The following PHACTR2 variants were observed in gnomAD, a reference collection of about 807,000 sequenced individuals.
PHACTR2 encodes chromosome 6 open reading frame 56.
In PHACTR2, 30 loss-of-function variants were observed where a neutral mutation model predicts 76.0. That is an observed-to-expected ratio of 0.39 (90% confidence interval 0.30 to 0.54). The LOEUF (loss-of-function observed/expected upper bound fraction) is 0.54. Among genes scored for constraint, PHACTR2 ranks in the 20% least tolerant of loss-of-function variants. The pLI, the probability that PHACTR2 is intolerant of heterozygous loss-of-function variation, is 0.61. For missense variants in PHACTR2, 696 were observed against 781.1 expected (o/e 0.89, Z 1.30); for synonymous variants, 292 against 292.5 (o/e 1.00, Z 0.02).
chr6:143,665,866 T>C (rs1434531839), intron 1 of PHACTR2, among the ~76,000 whole-genome samples: 2 of 152,218 alleles, frequency 1.3e-5, no homozygotes, highest in Non-Finnish European at 2.9e-5. Context: ...AGCTAAAGTA[T>C]TTTTTATTAT....
At chr6:143,665,304 T>A (rs192256619) in intron 1 of PHACTR2, among the ~76,000 whole-genome samples, 139 of 152,346 alleles carry the variant, frequency 9.1e-4, no homozygotes, top group Non-Finnish European at 5.6e-4. Flanking sequence ...TTGCCTTTTC[T>A]GTCTCCTGCT....
intron 2 of PHACTR2, among the ~76,000 whole-genome samples, chr6:143,719,354 T>C (rs1002757268): frequency 1.5e-5 from 2 of 134,046 alleles, no homozygotes; most frequent in African/African-American, 5.5e-5. Flanking sequence ...CACTTCTTTT[T>C]TTTTTTTTTT....
chr6:143,615,311 T>C (rs1406653208), intron 1 of PHACTR2, among the ~76,000 whole-genome samples: 2 of 152,222 alleles, frequency 1.3e-5, no homozygotes, highest in African/African-American at 4.8e-5. Context: ...TCTTTGTGTT[T>C]TCCATAGCAT....
chr6:143,664,321 AAG>A lies in PHACTR2; in HGVS notation c.14-47691_14-47690del, dbSNP rs1776996764. ...GTCTTCTAAAAATGACAGATAAAGA[AAG>A]AGATGTACTATGTTTCTGCTGCTCA... On this transcript the variant is annotated intron_variant, in intron 1 of 11. Transcript: ENST00000305766. The surrounding 1 kb of genome is among the most constrained non-coding windows in gnomAD (Gnocchi z 5.1). Among the ~76,000 whole-genome samples, 1 of 152,138 alleles carries A rather than the reference AAG, an allele frequency of 6.6e-6. No homozygotes were observed. The highest frequency in any genetic ancestry group is 2.1e-4 in the South Asian group (1 of 4,828).
chr6:143,620,433 T>G (rs1252606654), intron 1 of PHACTR2, among the ~76,000 whole-genome samples: 4 of 142,196 alleles, frequency 2.8e-5, no homozygotes, highest in East Asian at 4.2e-4. Context: ...GAAATGAAGT[T>G]TTTTTTTTTT....
rs1036461718 is a variant in PHACTR2 at position 143,554,000 on chromosome 6, G to A, written c.217+16793G>A. ...GAAAAGAATCCCGGGTTGGGCCCCT[G>A]TAGACCACCGCAATGACGTTGACAT... On this transcript the variant is annotated intron_variant, in intron 1 of 11. Coordinates refer to the PHACTR2 transcript ENST00000367584. This position sits in a 1 kb window ranked among gnomAD's most constrained non-coding sequence, Gnocchi z 4.2. Among the ~76,000 whole-genome samples, 1 of 152,174 alleles carries A rather than the reference G, an allele frequency of 6.6e-6. No individual in the cohort carries two copies. The highest frequency in any genetic ancestry group is 1.5e-5 in the Non-Finnish European group (1 of 68,024).
chr6:143,791,488 G>A lies in PHACTR2; in HGVS notation c.1845+2578G>A, dbSNP rs1775689407. Among the ~76,000 whole-genome samples, 1 of 152,148 alleles carries A rather than the reference G, an allele frequency of 6.6e-6. No individual in the cohort carries two copies. The highest frequency in any genetic ancestry group is 2.1e-4 in the South Asian group (1 of 4,826). ...TGCTGATCTCATTGGTCTGGGATGT[G>A]GCCTTCATATTGGGATTTTTAGTAA... is the stretch of plus-strand genomic sequence containing the variant. On this transcript the variant is annotated intron_variant, in intron 11 of 12. Transcript: ENST00000440869. This position sits in a 1 kb window ranked among gnomAD's most constrained non-coding sequence, Gnocchi z 4.7.
In PHACTR2 at chr6:143,618,498, G is replaced by A. The variant is rs1384719380; in HGVS notation, c.13+10176G>A. On this transcript the variant is annotated intron_variant, in intron 1 of 11. Transcript: ENST00000305766. This position sits in a 1 kb window ranked among gnomAD's most constrained non-coding sequence, Gnocchi z 5.2. ...TGACTTAACTACCTCACATGGTCAT[G>A]AGCGTCACTTGAGAAGGTGTCAGTG... is the stretch of plus-strand genomic sequence containing the variant. Among the ~76,000 whole-genome samples the A allele has an allele frequency of 2.6e-5, 4 of 152,144 alleles. No individual in the cohort carries two copies. In the East Asian group the frequency reaches 7.7e-4, roughly 29 times the overall value.
rs188595079 is a variant in PHACTR2 at position 143,683,678 on chromosome 6, T to A, written c.46+5469T>A. Among the ~76,000 whole-genome samples the A allele has an allele frequency of 1.3e-5, 2 of 152,346 alleles. No homozygotes were observed. Among genetic ancestry groups the A allele is most frequent in the African/African-American group, 4.8e-5 (2 of 41,578 alleles). ...TTGTCTTGTCCAGAATATTTATCCATTTCCTTGTAAACCAGGCACAGGAAG... is the reference window on the plus strand; with the variant it reads ...TTGTCTTGTCCAGAATATTTATCCAATTCCTTGTAAACCAGGCACAGGAAG... On this transcript the variant is annotated intron_variant, in intron 1 of 12. Transcript: ENST00000440869. The surrounding 1 kb of genome is among the most constrained non-coding windows in gnomAD (Gnocchi z 4.1).
At position 143,658,084 on chromosome 6, in the gene PHACTR2, C is replaced by T. The variant is rs1282630601; in HGVS notation, c.13+49762C>T. Among the ~76,000 whole-genome samples the T allele has an allele frequency of 2.0e-5, 3 of 152,150 alleles. No homozygotes were observed. Among genetic ancestry groups the T allele is most frequent in the Admixed American group, 1.3e-4 (2 of 15,278 alleles). On this transcript the variant is annotated intron_variant, in intron 1 of 11. Coordinates refer to the PHACTR2 transcript ENST00000305766. This position sits in a 1 kb window ranked among gnomAD's most constrained non-coding sequence, Gnocchi z 4.1. Reference sequence around the variant, plus strand: ...CTGTCCAGTTTGGGGCTATTATGAACAAAGCTGCTATGAACATTCCTAAAC... The same window carrying T: ...CTGTCCAGTTTGGGGCTATTATGAATAAAGCTGCTATGAACATTCCTAAAC...
rs1270915006 is a variant in PHACTR2 at position 143,791,449 on chromosome 6, C to G, written c.1845+2539C>G. Among the ~76,000 whole-genome samples the G allele has an allele frequency of 3.3e-5, 5 of 152,178 alleles. No homozygotes were observed. The highest frequency in any genetic ancestry group is 1.2e-4 in the African/African-American group (5 of 41,450). Reference sequence around the variant, plus strand: ...TCTTTAAGAATGTGGATGTCTGGGTCCCATCTCCAGAGATGCTGATCTCAT... The same window carrying G: ...TCTTTAAGAATGTGGATGTCTGGGTGCCATCTCCAGAGATGCTGATCTCAT... On this transcript the variant is annotated intron_variant, in intron 11 of 12. Coordinates refer to ENST00000440869, the MANE Select transcript of PHACTR2 (RefSeq NM_001100164.2). This position sits in a 1 kb window ranked among gnomAD's most constrained non-coding sequence, Gnocchi z 4.7.
chr6:143,582,374 C>T (rs1775586215), intron 1 of PHACTR2, among the ~76,000 whole-genome samples: 1 of 151,956 alleles, frequency 6.6e-6, no homozygotes, highest in African/African-American at 2.4e-5. Context: ...TTCTAAATTA[C>T]CAGAGACAAG....
intron 1 of PHACTR2, among the ~76,000 whole-genome samples, chr6:143,632,403 G>A (rs1210497907): frequency 6.6e-6 from 1 of 152,156 alleles, no homozygotes; most frequent in Non-Finnish European, 1.5e-5. Flanking sequence ...TGCAAATAAA[G>A]GCAAATAAAT....
rs1775181548 is a variant in PHACTR2 at position 143,772,515 on chromosome 6, G to C, written c.1432+58G>C. On this transcript the variant is annotated intron_variant, in intron 7 of 12. Coordinates refer to ENST00000440869, the MANE Select transcript of PHACTR2 (RefSeq NM_001100164.2). The surrounding 1 kb of genome is among the most constrained non-coding windows in gnomAD (Gnocchi z 5.4). ...TGGGTGATAAGCAGAAGCAGCTGCA[G>C]TTTATAAAGAATAAAAGCCTCATTA... 1 of 1,264,546 alleles carries C rather than the reference G, an allele frequency of 7.9e-7. No individual in the cohort carries two copies. The highest frequency in any genetic ancestry group is 1.5e-5 in the African/African-American group (1 of 67,532). 78.3% of individuals were successfully genotyped at this position (1,264,546 alleles called of 1,614,324 possible). A position where few individuals can be genotyped will look rare whatever the true frequency, so the allele number is the denominator to read the frequency against.
chr6:143,615,456 A>G (rs1272974045), intron 1 of PHACTR2, among the ~76,000 whole-genome samples: 1 of 152,244 alleles, frequency 6.6e-6, no homozygotes, highest in African/African-American at 2.4e-5. Context: ...TCAATGTCAT[A>G]TGATCTTATT....
In PHACTR2 at chr6:143,822,697, G is replaced by T. The variant is rs1776449473; in HGVS notation, c.1923-977G>T. On this transcript the variant is annotated intron_variant, in intron 12 of 12. Transcript: ENST00000440869. The surrounding 1 kb of genome is among the most constrained non-coding windows in gnomAD (Gnocchi z 5.5). ...AAGACAGAGTGAAATGCTAGGCAGA[G>T]TTGCATAAATGTGGAATTGCAGAAG... Among the ~76,000 whole-genome samples, 1 of 152,182 alleles carries T rather than the reference G, an allele frequency of 6.6e-6. No individual in the cohort carries two copies. The highest frequency in any genetic ancestry group is 2.4e-5 in the African/African-American group (1 of 41,442).
At position 143,774,224 on chromosome 6, in the gene PHACTR2, T is replaced by C; in HGVS notation, c.1589+9T>C. 1 of 1,612,194 alleles carries C rather than the reference T, an allele frequency of 6.2e-7. No homozygotes were observed. Among genetic ancestry groups the C allele is most frequent in the South Asian group, 1.1e-5 (1 of 91,002 alleles). On this transcript the variant is annotated intron_variant, in intron 8 of 12. Coordinates refer to ENST00000440869, the MANE Select transcript of PHACTR2 (RefSeq NM_001100164.2). This position sits in a 1 kb window ranked among gnomAD's most constrained non-coding sequence, Gnocchi z 5.4. The stretch of plus-strand genomic sequence containing the variant: ...GGAACCAAGTTAGTCAGGTAATTGC[T>C]AACATTTTAGGACAGTACTGACTAA...
intron 1 of PHACTR2, among the ~76,000 whole-genome samples, chr6:143,603,145 C>CAAAAAA (rs751947717): frequency 3.8e-5 from 3 of 78,814 alleles, no homozygotes; most frequent in East Asian, 4.6e-4. Context: ...GACTCTGTCT[C>CAAAAAA]AAAAAAAAAA....
rs374478673 is a variant in PHACTR2 at position 143,686,557 on chromosome 6, G to A, written c.46+8348G>A. Among the ~76,000 whole-genome samples, 4 of 133,798 alleles carry A rather than the reference G, an allele frequency of 3.0e-5. No individual in the cohort carries two copies. In the East Asian group the frequency reaches 6.9e-4, roughly 23 times the overall value. The allele number at this position is 133,798 out of a possible 152,430, so 87.8% of individuals were successfully genotyped here. On this transcript the variant is annotated intron_variant, in intron 1 of 12. Transcript: ENST00000440869. ...GGCTGGAGTGCAGTGGCATGATCTC[G>A]GCTCACTGCAACCTCCACCTTCTGG...
Sources: gnomAD v4.1 joint callset for allele counts (sites outside exome capture counted in the v4.1 genomes callset) on GRCh38, gnomAD v4.1.1 for gene constraint, Gnocchi (gnomAD v3.1) non-coding constraint, MANE v1.5 for transcripts, NCBI Gene and HGNC (gene_info 2026-07-23, HGNC 2026-07-21) for gene names.